The following RYR2 variants were observed in gnomAD, a reference collection of about 807,000 sequenced individuals.
RYR2 encodes the protein cardiac muscle ryanodine receptor-calcium release channel.
In RYR2, 227 loss-of-function variants were observed where a neutral mutation model predicts 601.1. The ratio of observed to expected loss-of-function variants is 0.38; its 90% confidence interval spans 0.34 to 0.42. The LOEUF is 0.42. RYR2 is among the 10% of genes least tolerant of loss of function. The pLI, the probability that RYR2 is intolerant of heterozygous loss-of-function variation, is 1.00. For synonymous variants in RYR2, 2,223 were observed against 2,175.1 expected (o/e 1.02, Z -0.61); for missense variants, 4,646 against 6,156.5 (o/e 0.75, Z 8.21).
intron 29 of RYR2, among the ~76,000 whole-genome samples, chr1:237,578,053 G>T (rs1673461988): frequency 6.6e-6 from 1 of 152,114 alleles, no homozygotes; most frequent in Non-Finnish European, 1.5e-5. Context: ...AAGGTGATCT[G>T]CCTGCTGTGG....
intron 1 of RYR2, among the ~76,000 whole-genome samples, chr1:237,067,858 C>T (rs1033862051): frequency 2.0e-5 from 3 of 152,070 alleles, no homozygotes; most frequent in Admixed American, 6.6e-5. Flanking sequence ...CTTCCTATTT[C>T]CTTTAGCTGA....
intron 2 of RYR2, among the ~76,000 whole-genome samples, chr1:237,328,411 T>C (rs1696373611): frequency 6.8e-6 from 1 of 147,884 alleles, no homozygotes; most frequent in South Asian, 2.1e-4. Flanking sequence ...GCCTTTGAAC[T>C]TTTATATGAG....
chr1:237,317,262 A>G (rs1195741475), intron 2 of RYR2, among the ~76,000 whole-genome samples: 1 of 152,228 alleles, frequency 6.6e-6, no homozygotes, highest in African/African-American at 2.4e-5. Context: ...AAGTGTCTTC[A>G]CTTAATGGTA....
At chr1:237,315,299 AAT>A (rs1275574199) in intron 2 of RYR2, among the ~76,000 whole-genome samples, 5 of 152,304 alleles carry the variant, frequency 3.3e-5, no homozygotes, top group African/African-American at 1.2e-4. Flanking sequence ...TTAACATTTT[AAT>A]GTTTGAGTCT....
chr1:237,694,110 A>T (rs574276094), intron 63 of RYR2, among the ~76,000 whole-genome samples: 4 of 151,838 alleles, frequency 2.6e-5, no homozygotes, highest in African/African-American at 4.8e-5. Context: ...CTGGCTAACA[A>T]GGTGAAACCC....
rs549543603 is a variant in RYR2 at position 237,434,173 on chromosome 1, A to G, written c.1006-7146A>G. On this transcript the variant is annotated intron_variant, in intron 12 of 104. Coordinates refer to ENST00000366574, the MANE Select transcript of RYR2 (RefSeq NM_001035.3). ...GTACATTTGGAAGATTTTATAAATC[A>G]TTAAGATCATTTTAACTTTAGATTT... Among the ~76,000 whole-genome samples, 217 of 152,326 alleles carry G rather than the reference A, an allele frequency of 1.4e-3. 1 individual carries two copies. Among genetic ancestry groups the G allele is most frequent in the African/African-American group, 5.1e-3 (212 of 41,584 alleles).
chr1:237,648,306 C>A, intron 48 of RYR2, 138 bp from the exon 49 acceptor site: 1 of 750,538 alleles, frequency 1.3e-6, no homozygotes, highest in Non-Finnish European at 2.0e-6. Flanking sequence ...CCCATAATAG[C>A]TTGAGGGTAG....
At chr1:237,171,233 CAAA>C (rs58587774) in intron 1 of RYR2, among the ~76,000 whole-genome samples, 1 of 141,636 alleles carries the variant, frequency 7.1e-6, no homozygotes. Context: ...GACTCCATCT[CAAA>C]AAAAAAAAAA....
At chr1:237,596,055 T>C (rs1024851609) in intron 34 of RYR2, among the ~76,000 whole-genome samples, 3 of 151,966 alleles carry the variant, frequency 2.0e-5, no homozygotes, top group African/African-American at 4.8e-5. Context: ...GGAAAAGCTA[T>C]TTCCTACAAA....
At chr1:237,149,883 C>A (rs917541781) in intron 1 of RYR2, among the ~76,000 whole-genome samples, 2 of 152,042 alleles carry the variant, frequency 1.3e-5, no homozygotes, top group African/African-American at 4.8e-5. Context: ...ATACATGAGC[C>A]GTTGCCATGA....
chr1:237,520,311 A>G (rs1443684303), intron 24 of RYR2, among the ~76,000 whole-genome samples: 2 of 152,270 alleles, frequency 1.3e-5, no homozygotes, highest in African/African-American at 4.8e-5. Flanking sequence ...TCCATTGCCT[A>G]ATTTCTCTCA....
chr1:237,042,964 G>T (rs1234366307), intron 1 of RYR2, among the ~76,000 whole-genome samples: 1 of 152,176 alleles, frequency 6.6e-6, no homozygotes, highest in Non-Finnish European at 1.5e-5. Context: ...GAGCAGGGTG[G>T]CCCGTGGGGG....
intron 29 of RYR2, among the ~76,000 whole-genome samples, chr1:237,571,893 T>C (rs1311031510): frequency 6.6e-6 from 1 of 152,138 alleles, no homozygotes; most frequent in Non-Finnish European, 1.5e-5. Flanking sequence ...TGGGTAGTAA[T>C]TGCATCATGG....
chr1:237,140,570 G>C (rs552133725), intron 1 of RYR2, among the ~76,000 whole-genome samples: 2 of 152,272 alleles, frequency 1.3e-5, no homozygotes, highest in African/African-American at 4.8e-5. Context: ...GACAATAAAG[G>C]CTTAATTAGG....
chr1:237,596,458 C>T (rs1675904781), intron 34 of RYR2, among the ~76,000 whole-genome samples: 1 of 151,896 alleles, frequency 6.6e-6, no homozygotes, highest in Admixed American at 6.6e-5. Flanking sequence ...ATAAGAAAGA[C>T]TTTATGAACT....
chr1:237,073,115 A>G (rs1236270524), intron 1 of RYR2, among the ~76,000 whole-genome samples: 2 of 152,212 alleles, frequency 1.3e-5, no homozygotes, highest in Non-Finnish European at 2.9e-5. Flanking sequence ...ATAAGGAGTT[A>G]AAGGCTAAAC....
chr1:237,208,968 A>ATGTATG (rs1682188184), intron 1 of RYR2, among the ~76,000 whole-genome samples: 1 of 88,766 alleles, frequency 1.1e-5, no homozygotes, highest in East Asian at 5.0e-4. Context: ...ATATATATAT[A>ATGTATG]TATATATATA....
chr1:237,124,042 C>A (rs186263345), intron 1 of RYR2, among the ~76,000 whole-genome samples: 42 of 152,300 alleles, frequency 2.8e-4, no homozygotes, highest in Middle Eastern at 3.4e-3. Context: ...CATATTACAT[C>A]ATTTTAAATG....
intron 70 of RYR2, 33 bp downstream of exon 70, chr1:237,709,600 CTGTTT>C: frequency 1.4e-6 from 2 of 1,396,268 alleles, no homozygotes; most frequent in Non-Finnish European, 2.0e-6. Context: ...ATCACGCCTA[CTGTTT>C]GTAGGCACCT....
Sources: allele counts gnomAD v4.1 joint callset (sites outside exome capture counted in the v4.1 genomes callset), GRCh38; gene constraint gnomAD v4.1.1; transcripts MANE v1.5; gene names NCBI Gene and HGNC (gene_info 2026-07-23, HGNC 2026-07-21).